Variants in BDH2 observed in about 807,000 individuals in gnomAD.
BDH2 encodes dehydrogenase/reductase SDR family member 6.
A neutral mutation model predicts 33.2 loss-of-function variants in BDH2; 24 were observed. The ratio of observed to expected loss-of-function variants is 0.72; its 90% CI spans 0.52 to 1.02. The LOEUF is 1.02. Among genes scored for constraint, BDH2 ranks in the 50% least tolerant of loss-of-function variants. The pLI is 0.00. For missense variants in BDH2, 249 were observed against 301.6 expected, an observed-to-expected ratio of 0.83 and a Z score of 1.29; for synonymous variants, 81 against 101.6, an observed-to-expected ratio of 0.80 and a Z score of 1.22.
chr4:103,082,320 A>G, intron 8 of BDH2, 147 bp from the exon 9 acceptor site: 1 of 656,746 alleles, frequency 1.5e-6, no homozygotes, highest in Non-Finnish European at 2.6e-6. Flanking sequence ...TTCTTTTGCC[A>G]AAGTTACTCA....
chr4:103,086,440 G>A lies in BDH2; in HGVS notation c.418+40C>T, dbSNP rs376822009. On this transcript the variant is annotated intron_variant, in intron 6 of 9. Coordinates refer to ENST00000296424, the MANE Select transcript of BDH2 (RefSeq NM_020139.4). ...AAACGCAGAGCTCTTAATGATGTGC[G>A]TGTATGAGCATCGCAGTCCTCGGAA... 4.5e-5 allele frequency: 72 copies of A among 1,601,466 alleles called. No individual in the cohort carries two copies. The African/African-American group carries it at 4.7e-4, about 11-fold the overall frequency.
intron 6 of BDH2, 69 bp from the exon 7 acceptor site, chr4:103,085,531 A>G (rs1293509720): frequency 7.5e-6 from 11 of 1,471,758 alleles, no homozygotes; most frequent in Non-Finnish European, 1.0e-5. Flanking sequence ...AAGGTAACAC[A>G]AATAAGTTTT....
chr4:103,079,806 G>C, intron 9 of BDH2, 51 bp from the exon 10 acceptor site: 1 of 1,559,466 alleles, frequency 6.4e-7, no homozygotes, highest in Non-Finnish European at 8.8e-7. Context: ...TTTGATACAG[G>C]CTGTATTTTG....
At chr4:103,086,215 C>A in intron 6 of BDH2, 1 of 1,216,828 alleles carries the variant, frequency 8.2e-7, no homozygotes, top group South Asian at 2.8e-5. Flanking sequence ...GTTCTTTCTC[C>A]CAGTTTGATG....
intron 3 of BDH2, among the ~76,000 whole-genome samples, chr4:103,094,746 A>G (rs1748293350): frequency 6.6e-6 from 1 of 152,016 alleles, no homozygotes; most frequent in African/African-American, 2.4e-5. Context: ...ATATTGGATA[A>G]AAGAAAATAT....
rs1402227353 is a variant in BDH2 at position 103,078,038 on chromosome 4, T to A, written c.*1664A>T. Among the ~76,000 whole-genome samples, 1 of 152,236 alleles carries A rather than the reference T, an allele frequency of 6.6e-6. No individual in the cohort carries two copies. ...TTCCCCATACACAAAGTGTTATCTT[T>A]TTGTTGTCCATTTCAGAATTTTCCA... On this transcript the variant is annotated 3_prime_UTR_variant, in exon 10 of 10. Transcript: ENST00000296424.
intron 3 of BDH2, 40 bp downstream of exon 3, chr4:103,095,163 C>A (rs558801739): frequency 1.3e-6 from 2 of 1,526,548 alleles, no homozygotes; most frequent in African/African-American, 1.4e-5. Flanking sequence ...TAATACCTTG[C>A]AGACACTGAA....
chr4:103,094,665 A>C (rs1335682579), intron 3 of BDH2, among the ~76,000 whole-genome samples: 2 of 152,102 alleles, frequency 1.3e-5, no homozygotes, highest in Admixed American at 6.5e-5. Context: ...AATTTAAATA[A>C]AAAATTTAGT....
intron 3 of BDH2, among the ~76,000 whole-genome samples, chr4:103,093,516 C>G (rs928325741): frequency 6.6e-6 from 1 of 150,426 alleles, no homozygotes; most frequent in African/African-American, 2.4e-5. Context: ...CAGCAGTCAT[C>G]ATTATAAATA....
rs182809636 is a variant in BDH2, at chr4:103,091,888, T to C, written c.249-603A>G. 1.1e-4 allele frequency among the ~76,000 whole-genome samples: 17 copies of C among 152,318 alleles called. No homozygotes were observed. In the East Asian group the frequency reaches 3.1e-3, roughly 28 times the overall value. On this transcript the variant is annotated intron_variant, in intron 4 of 9. Transcript: ENST00000296424. ...TGCAAGGAAAACAAGTGTCTGAACA[T>C]CTCAGAGCAGCAAAGTGATACTGCT...
At chr4:103,092,377 G>A (rs1748147530) in intron 4 of BDH2, 5 of 556,762 alleles carry the variant, frequency 9.0e-6, no homozygotes, top group Non-Finnish European at 1.3e-5. Flanking sequence ...AGTACCATCT[G>A]TCTTGAGTAG....
At chr4:103,086,601 T>C in intron 5 of BDH2, 61 bp from the exon 6 acceptor site, 1 of 1,532,172 alleles carries the variant, frequency 6.5e-7, no homozygotes. Context: ...AAATACTACC[T>C]TTTAAAAAGA....
chr4:103,080,746 A>G (rs186069634), intron 9 of BDH2, among the ~76,000 whole-genome samples: 1 of 152,330 alleles, frequency 6.6e-6, no homozygotes, highest in East Asian at 1.9e-4. Context: ...ACACTTCCAA[A>G]TATCTTGTAA....
chr4:103,084,560 C>A (rs1202183201), intron 7 of BDH2, among the ~76,000 whole-genome samples: 1 of 152,216 alleles, frequency 6.6e-6, no homozygotes, highest in Admixed American at 6.5e-5. Flanking sequence ...ACCACTTATT[C>A]CACTGGGTAA....
chr4:103,096,317 T>C, intron 1 of BDH2, 43 bp from the exon 2 acceptor site: 12 of 1,289,884 alleles, frequency 9.3e-6, no homozygotes, highest in East Asian at 2.3e-5. Flanking sequence ...TAGAACATGA[T>C]CTTGAGCAGG....
In BDH2 at chr4:103,085,344, C is replaced by T; in HGVS notation, c.532+5G>A. On this transcript the variant is annotated splice_donor_5th_base_variant and intron_variant, in intron 7 of 9. Coordinates refer to ENST00000296424, the MANE Select transcript of BDH2 (RefSeq NM_020139.4). The stretch of plus-strand genomic sequence containing the variant: ...TTGCTTACAAAACAGGTGTGCCTTA[C>T]TCACCTGGGCACACACAGTTGCACC... 1 of 1,605,028 alleles carries T rather than the reference C, an allele frequency of 6.2e-7. No individual in the cohort carries two copies. Among genetic ancestry groups the T allele is most frequent in the African/African-American group, 1.3e-5 (1 of 74,852 alleles).
At position 103,081,689 on chromosome 4, in the gene BDH2, A is replaced by G. The variant is rs576127830; in HGVS notation, c.684+392T>C. On this transcript the variant is annotated intron_variant, in intron 9 of 9. Coordinates refer to ENST00000296424, the MANE Select transcript of BDH2 (RefSeq NM_020139.4). The stretch of plus-strand genomic sequence containing the variant: ...AACACCACATGCGAATTCTGTGTCC[A>G]CTGAACACAAATCTGCTTAATCCTC... Among the ~76,000 whole-genome samples the G allele has an allele frequency of 5.9e-5, 9 of 152,342 alleles. No individual in the cohort carries two copies. In the South Asian group the frequency reaches 6.2e-4, roughly 11 times the overall value.
chr4:103,085,289 A>T (rs1747722634), intron 7 of BDH2, 60 bp downstream of exon 7: 1 of 1,345,922 alleles, frequency 7.4e-7, no homozygotes. Flanking sequence ...AACATAAGCA[A>T]ATTGGGTGTG....
At chr4:103,094,761 T>C (rs1748296258) in intron 3 of BDH2, among the ~76,000 whole-genome samples, 2 of 152,214 alleles carry the variant, frequency 1.3e-5, no homozygotes, top group South Asian at 2.1e-4. Context: ...AAATATATTA[T>C]TAAATTAATT....
Sources: allele counts gnomAD v4.1 joint callset (sites outside exome capture counted in the v4.1 genomes callset), GRCh38; gene constraint gnomAD v4.1.1; transcripts MANE v1.5; gene names NCBI Gene and HGNC (gene_info 2026-07-23, HGNC 2026-07-21).